RNF38: variants seen among roughly 807,000 people sequenced by gnomAD.
The protein encoded by RNF38 is ring finger protein 38.
In RNF38, 15 loss-of-function variants were observed where a neutral mutation model predicts 67.2. That is an observed-to-expected ratio of 0.22 (90% CI 0.15 to 0.34). The LOEUF is 0.34. Among genes scored for constraint, RNF38 ranks in the 10% least tolerant of loss-of-function variants. RNF38 has a pLI of 1.00. For synonymous variants in RNF38, 220 were observed against 218.8 expected (o/e 1.01, Z -0.05); for missense variants, 524 against 639.9 (o/e 0.82, Z 1.95).
intron 1 of RNF38, among the ~76,000 whole-genome samples, chr9:36,475,241 T>G (rs1364681601): frequency 1.3e-5 from 2 of 152,182 alleles, no homozygotes; most frequent in East Asian, 1.9e-4. Context: ...TGTCATGATC[T>G]ATCATTGAAC....
At chr9:36,343,051 T>TA (rs1361783027) in intron 10 of RNF38, among the ~76,000 whole-genome samples, 1 of 152,168 alleles carries the variant, frequency 6.6e-6, no homozygotes, top group Non-Finnish European at 1.5e-5. Flanking sequence ...ATCACTATAA[T>TA]ACTTAATACA....
intron 1 of RNF38, among the ~76,000 whole-genome samples, chr9:36,453,646 G>A (rs1300657427): frequency 6.6e-6 from 1 of 152,038 alleles, no homozygotes; most frequent in Non-Finnish European, 1.5e-5. Flanking sequence ...GCCTCCCAAA[G>A]TGCTGGGATT....
At chr9:36,367,224 T>A (rs1427479828) in intron 4 of RNF38, among the ~76,000 whole-genome samples, 3 of 152,146 alleles carry the variant, frequency 2.0e-5, no homozygotes, top group Non-Finnish European at 4.4e-5. Flanking sequence ...CACCCCACTT[T>A]CCCTTAGTTT....
In RNF38 at chr9:36,475,493, G is replaced by T. The variant is rs963914406; in HGVS notation, n.241+11815C>A. ...CTGCCTCAGCCTCCCAAGGAGCTGG[G>T]ATTACAGGCGCCCACCACCACACCT... is the stretch of plus-strand genomic sequence containing the variant. On this transcript the variant is annotated intron_variant and non_coding_transcript_variant, in intron 1 of 3. Transcript: ENST00000488058. 6.9e-4 allele frequency among the ~76,000 whole-genome samples: 104 copies of T among 151,578 alleles called. 2 individuals are homozygous for T. The highest frequency in any genetic ancestry group is 2.6e-4 in the Admixed American group (4 of 15,222).
At chr9:36,365,917 G>C (rs904478238) in intron 4 of RNF38, among the ~76,000 whole-genome samples, 6 of 151,860 alleles carry the variant, frequency 4.0e-5, no homozygotes, top group African/African-American at 1.5e-4. Flanking sequence ...ACCCGCCTTC[G>C]GCCTCCCAAA....
chr9:36,435,038 A>G (rs1303234487), intron 1 of RNF38, among the ~76,000 whole-genome samples: 1 of 152,208 alleles, frequency 6.6e-6, no homozygotes, highest in Non-Finnish European at 1.5e-5. Flanking sequence ...AAAAAGCTCC[A>G]CTATATACTG....
chr9:36,449,044 A>C, intron 1 of RNF38, among the ~76,000 whole-genome samples: 1 of 152,132 alleles, frequency 6.6e-6, no homozygotes, highest in Admixed American at 6.5e-5. Context: ...CCAAACTATA[A>C]ACCAGTTAAA....
At chr9:36,473,662 C>G (rs751392301) in intron 1 of RNF38, among the ~76,000 whole-genome samples, 3 of 151,916 alleles carry the variant, frequency 2.0e-5, no homozygotes, top group Non-Finnish European at 4.4e-5. Context: ...TACTCCTACT[C>G]CTGATGTGAC....
chr9:36,412,815 G>C (rs906302322), intron 2 of RNF38, among the ~76,000 whole-genome samples: 1 of 152,120 alleles, frequency 6.6e-6, no homozygotes, highest in Non-Finnish European at 1.5e-5. Flanking sequence ...GTTCACACCT[G>C]TAATCTCAGC....
intron 1 of RNF38, among the ~76,000 whole-genome samples, chr9:36,445,777 A>G (rs1448621419): frequency 6.6e-6 from 1 of 152,270 alleles, no homozygotes; most frequent in African/African-American, 2.4e-5. Context: ...GCTGATATCA[A>G]GGAGTGTCAC....
Position 36,409,325 on chromosome 9 carries a change from AAAAG to A in RNF38, n.312+15284_312+15287del, listed in dbSNP as rs1205175097. 2.6e-3 allele frequency among the ~76,000 whole-genome samples: 359 copies of A among 140,016 alleles called. 1 individual carries two copies. The highest frequency in any genetic ancestry group is 7.4e-3 in the Middle Eastern group (2 of 272). 91.9% of individuals were successfully genotyped at this position (140,016 alleles called of 152,430 possible). A position where few individuals can be genotyped will look rare whatever the true frequency, so the allele number is the denominator to read the frequency against. On this transcript the variant is annotated intron_variant and non_coding_transcript_variant, in intron 2 of 3. Transcript: ENST00000488058. ...AGAAAGAAAAAGAAAGAAAGAAAGA[AAAAG>A]AAAGAAAGAAAGAAAGAAAAAAAGA...
At chr9:36,388,767 AGATTATTCTAAAAAGAAG>A (rs1468432637) in intron 2 of RNF38, among the ~76,000 whole-genome samples, 1 of 152,222 alleles carries the variant, frequency 6.6e-6, no homozygotes, top group Non-Finnish European at 1.5e-5. Flanking sequence ...TGTTTAAAAC[AGATTATTCTAAAAAGAAG>A]GAAAAGTAGA....
At chr9:36,399,587 A>C (rs1365764936) in intron 1 of RNF38, among the ~76,000 whole-genome samples, 1 of 150,560 alleles carries the variant, frequency 6.6e-6, no homozygotes, top group Non-Finnish European at 1.5e-5. Flanking sequence ...CACAATTCCC[A>C]GGTAAACTTC....
chr9:36,418,944 T>C (rs1360257803), intron 2 of RNF38, among the ~76,000 whole-genome samples: 1 of 152,026 alleles, frequency 6.6e-6, no homozygotes, highest in African/African-American at 2.4e-5. Flanking sequence ...GCCTGGGCAA[T>C]GGAGCAAGAC....
chr9:36,381,986 G>A (rs1200757638), intron 2 of RNF38, among the ~76,000 whole-genome samples: 1 of 152,156 alleles, frequency 6.6e-6, no homozygotes, highest in Non-Finnish European at 1.5e-5. Flanking sequence ...TTGCTTGCTG[G>A]CCTCACTCCC....
rs1457393522 is a variant in RNF38, at chr9:36,454,593, T to C, written n.242-29910A>G. 6.6e-3 allele frequency among the ~76,000 whole-genome samples: 979 copies of C among 148,424 alleles called. 14 individuals carry two copies. The highest frequency in any genetic ancestry group is 0.023 in the African/African-American group (929 of 40,392). On this transcript the variant is annotated intron_variant and non_coding_transcript_variant, in intron 1 of 3. Transcript: ENST00000488058. Reference sequence around the variant, plus strand: ...TACATTAATTTACTTTTTTTTTTTTTTTTTTTTGAGACGGAGTCTTACTCT... The same window carrying C: ...TACATTAATTTACTTTTTTTTTTTTCTTTTTTTGAGACGGAGTCTTACTCT...
At chr9:36,351,684 G>C (rs1833697810) in intron 8 of RNF38, among the ~76,000 whole-genome samples, 1 of 152,192 alleles carries the variant, frequency 6.6e-6, no homozygotes, top group South Asian at 2.1e-4. Context: ...CCACAGTGTG[G>C]TAACGTAAGC....
intron 2 of RNF38, among the ~76,000 whole-genome samples, chr9:36,423,243 T>C (rs1587111036): frequency 6.6e-6 from 1 of 152,280 alleles, no homozygotes; most frequent in African/African-American, 2.4e-5. Context: ...TCTTGATTGG[T>C]ACAATAATAA....
intron 1 of RNF38, among the ~76,000 whole-genome samples, chr9:36,444,549 CA>C (rs1839259788): frequency 6.6e-6 from 1 of 152,138 alleles, no homozygotes; most frequent in African/African-American, 2.4e-5. Context: ...CCTGTAATCC[CA>C]GCACTTTGGG....
Sources: gnomAD v4.1 joint callset for allele counts (sites outside exome capture counted in the v4.1 genomes callset) on GRCh38, gnomAD v4.1.1 for gene constraint, MANE v1.5 for transcripts, NCBI Gene and HGNC (gene_info 2026-07-23, HGNC 2026-07-21) for gene names.